The following LYRM4 variants were observed in gnomAD, a reference collection of about 807,000 sequenced individuals.
The protein encoded by LYRM4 is LYR motif-containing protein 4.
Under a neutral mutation model 11.7 loss-of-function variants are expected in LYRM4, and 9 were observed. That is an observed-to-expected ratio of 0.77 (90% CI 0.46 to 1.34). LYRM4 has a LOEUF of 1.34. LYRM4 is among the 40% of genes most tolerant of loss of function. LYRM4 has a pLI of 0.00. For missense variants in LYRM4, 133 were observed against 112.5 expected (o/e 1.18, Z -0.82); for synonymous variants, 42 against 40.4 (o/e 1.04, Z -0.15).
intron 1 of LYRM4, among the ~76,000 whole-genome samples, chr6:5,230,607 G>C (rs1377564010): frequency 6.6e-6 from 1 of 152,122 alleles, no homozygotes; most frequent in Non-Finnish European, 1.5e-5. Flanking sequence ...AAAATTTATG[G>C]AGAATAACTA....
chr6:5,055,780 T>C, the LYRM4 span, among the ~76,000 whole-genome samples: 2 of 152,142 alleles, frequency 1.3e-5, no homozygotes, highest in Admixed American at 6.5e-5. The surrounding 1 kb of genome is among the most constrained non-coding windows in gnomAD (Gnocchi z 4.5). Flanking sequence ...GAGGGTCAGT[T>C]TGTGGCTTCC....
At chr6:5,058,205 G>C in the LYRM4 span, among the ~76,000 whole-genome samples, 2 of 152,270 alleles carry the variant, frequency 1.3e-5, no homozygotes, top group East Asian at 3.9e-4. Context: ...GGAGAGAGGA[G>C]AGGACCTGAG....
chr6:5,211,273 G>C (rs1761974085), intron 2 of LYRM4, among the ~76,000 whole-genome samples: 1 of 152,120 alleles, frequency 6.6e-6, no homozygotes, highest in Admixed American at 6.5e-5. Context: ...GACAATGAGA[G>C]AGGGCCTGGT....
At chr6:5,147,262 G>A (rs1043141580) in intron 2 of LYRM4, among the ~76,000 whole-genome samples, 1 of 152,138 alleles carries the variant, frequency 6.6e-6, no homozygotes, top group Non-Finnish European at 1.5e-5. Context: ...CAAAACAAGG[G>A]TGTGCTGGGA....
At chr6:5,178,172 GTTTTGTAT>G (rs1759831535) in intron 2 of LYRM4, among the ~76,000 whole-genome samples, 1 of 152,100 alleles carries the variant, frequency 6.6e-6, no homozygotes. Context: ...CACATACTTT[GTTTTGTAT>G]ATTGTCTGTG....
At chr6:5,082,385 A>G in the LYRM4 span, among the ~76,000 whole-genome samples, 1 of 152,110 alleles carries the variant, frequency 6.6e-6, no homozygotes, top group African/African-American at 2.4e-5. Context: ...AGAATTCATG[A>G]TCTTGCCCTC....
intron 2 of LYRM4, among the ~76,000 whole-genome samples, chr6:5,124,540 T>C (rs1458315252): frequency 1.3e-5 from 2 of 152,224 alleles, no homozygotes; most frequent in African/African-American, 2.4e-5. Context: ...TTCAGAAATA[T>C]TCATCCCTCA....
chr6:5,227,638 A>G (rs1367110289), intron 1 of LYRM4, among the ~76,000 whole-genome samples: 1 of 152,210 alleles, frequency 6.6e-6, no homozygotes, highest in Non-Finnish European at 1.5e-5. Flanking sequence ...TACTGGGTAT[A>G]TACCCAAAGG....
chr6:5,154,394 G>C (rs1303941729), intron 2 of LYRM4, among the ~76,000 whole-genome samples: 1 of 152,070 alleles, frequency 6.6e-6, no homozygotes, highest in Non-Finnish European at 1.5e-5. Flanking sequence ...CAAGCCCCAG[G>C]GTGGGTGAGA....
At chr6:5,074,397 CTTTTT>C in the LYRM4 span, among the ~76,000 whole-genome samples, 35 of 76,736 alleles carry the variant, frequency 4.6e-4, no homozygotes, top group African/African-American at 1.7e-3. Context: ...AGCACAGGTA[CTTTTT>C]TTTTTTTTTT....
At chr6:5,067,013 T>G in the LYRM4 span, 1 of 656,178 alleles carries the variant, frequency 1.5e-6, no homozygotes, top group Non-Finnish European at 2.3e-6. Context: ...CTCCAAGGAT[T>G]ACCGGGGGTT....
downstream of LYRM4, among the ~76,000 whole-genome samples, chr6:5,100,134 CT>C (rs1454466453): frequency 6.6e-6 from 1 of 152,180 alleles, no homozygotes; most frequent in Non-Finnish European, 1.5e-5. Flanking sequence ...GGGAACTTAC[CT>C]CTTGCAGGCC....
the LYRM4 span, among the ~76,000 whole-genome samples, chr6:5,052,941 T>C: frequency 6.6e-6 from 1 of 152,204 alleles, no homozygotes; most frequent in Non-Finnish European, 1.5e-5. Context: ...ATGCTTTTTC[T>C]TTCTCTCACT....
chr6:5,147,078 TG>T (rs1757768414), intron 2 of LYRM4, among the ~76,000 whole-genome samples: 1 of 152,180 alleles, frequency 6.6e-6, no homozygotes, highest in African/African-American at 2.4e-5. Flanking sequence ...TGGAAGCCAT[TG>T]GTACCAGGCC....
the LYRM4 span, among the ~76,000 whole-genome samples, chr6:5,050,448 A>C: frequency 2.6e-5 from 4 of 152,202 alleles, no homozygotes; most frequent in African/African-American, 9.7e-5. Context: ...CATCATTTGC[A>C]CTTTTACAAT....
At chr6:5,143,558 T>C (rs531184444) in intron 2 of LYRM4, among the ~76,000 whole-genome samples, 41 of 152,286 alleles carry the variant, frequency 2.7e-4, no homozygotes, top group African/African-American at 9.4e-4. Flanking sequence ...GAGGGCCTGA[T>C]AGTGCACAGA....
intron 2 of LYRM4, among the ~76,000 whole-genome samples, chr6:5,188,878 C>T (rs1041310446): frequency 2.0e-5 from 3 of 152,204 alleles, no homozygotes; most frequent in African/African-American, 7.2e-5. Context: ...ATCCTCTCAC[C>T]TCAGCCTCGC....
At chr6:5,112,057 T>C (rs1762904951) in intron 2 of LYRM4, among the ~76,000 whole-genome samples, 1 of 151,830 alleles carries the variant, frequency 6.6e-6, no homozygotes, top group South Asian at 2.1e-4. Context: ...AGGGGAGAAA[T>C]GTGTTGCAGT....
chr6:5,201,287 G>T (rs1365171873), intron 2 of LYRM4, among the ~76,000 whole-genome samples: 2 of 152,000 alleles, frequency 1.3e-5, no homozygotes, highest in Non-Finnish European at 2.9e-5. Flanking sequence ...GCAAACCTTG[G>T]CACTGCTTGC....
Sources: allele counts gnomAD v4.1 joint callset (sites outside exome capture counted in the v4.1 genomes callset), GRCh38; gene constraint gnomAD v4.1.1; non-coding constraint Gnocchi (gnomAD v3.1); transcripts MANE v1.5; gene names NCBI Gene and HGNC (gene_info 2026-07-23, HGNC 2026-07-21).